Variants in NDUFAF6 observed in about 807,000 individuals in gnomAD.
The protein encoded by NDUFAF6 is NADH:ubiquinone oxidoreductase complex assembly factor 6.
A neutral mutation model predicts 40.8 loss-of-function variants in NDUFAF6; 45 were observed. The observed-to-expected ratio is 1.10, with a 90% CI of 0.87 to 1.42. The LOEUF (loss-of-function observed/expected upper bound fraction) is 1.42. Ranked by LOEUF, NDUFAF6 falls within the 40% of genes most tolerant of loss-of-function variation. The pLI is 0.00. For synonymous variants in NDUFAF6, 185 were observed against 155.9 expected, an observed-to-expected ratio of 1.19 and a Z score of -1.39; for missense variants, 435 against 418.5, an observed-to-expected ratio of 1.04 and a Z score of -0.34.
downstream of NDUFAF6, among the ~76,000 whole-genome samples, chr8:95,078,002 G>A (rs143621420): frequency 2.9e-3 from 440 of 152,170 alleles, 5 homozygotes; most frequent in African/African-American, 9.8e-3. Context: ...GCTGAGAGCC[G>A]CGGAAGGAAG....
intron 2 of NDUFAF6, among the ~76,000 whole-genome samples, chr8:95,092,481 C>A (rs1809287990): frequency 1.3e-5 from 2 of 151,986 alleles, no homozygotes; most frequent in Non-Finnish European, 1.5e-5. Context: ...CTCACCTGGC[C>A]CCCTATGACA....
intron 1 of NDUFAF6, among the ~76,000 whole-genome samples, chr8:94,959,583 T>G (rs1586810226): frequency 6.6e-6 from 1 of 151,154 alleles, no homozygotes; most frequent in Non-Finnish European, 1.5e-5. Flanking sequence ...TAGGCTGGAG[T>G]GCAGTGGCAC....
chr8:95,106,714 A>C (rs536026592), downstream of NDUFAF6, among the ~76,000 whole-genome samples: 1 of 152,298 alleles, frequency 6.6e-6, no homozygotes, highest in East Asian at 1.9e-4. Flanking sequence ...AATGGGAGAA[A>C]ATTTTTGCAA....
chr8:94,968,978 G>A (rs1824239707), intron 1 of NDUFAF6, among the ~76,000 whole-genome samples: 7 of 152,180 alleles, frequency 4.6e-5, no homozygotes, highest in Admixed American at 4.6e-4. Flanking sequence ...TGCTCAGGTG[G>A]GGAGGATGAA....
chr8:95,023,401 T>A (rs1827779562), upstream of NDUFAF6: 1 of 152,122 alleles, frequency 6.6e-6, no homozygotes, highest in African/African-American at 2.4e-5. Flanking sequence ...TTACCTTGGG[T>A]TTAAACAAAA....
In NDUFAF6 at chr8:95,052,175, C is replaced by T; in HGVS notation, c.818C>T (p.Ala273Val). Residue 273 changes from alanine (A) to valine (V), a missense_variant and splice_region_variant, in exon 8 of 9, where the codon GCT (alanine) becomes GTT (valine). Ala to Val is a moderately conservative substitution (Grantham distance 64, BLOSUM62 0). Coordinates refer to ENST00000396124, the MANE Select transcript of NDUFAF6 (RefSeq NM_152416.4). ...GCTTCCTCTCCTCTTCCTTTTTAGG[C>T]TAGGTCCTTTCACAAAACTGTTCCT... ...ASQAHLHLKH[A>V]RSFHKTVPVK... is the part of the protein sequence containing the mutation. 6.2e-7 allele frequency: 1 copy of T among 1,614,068 alleles called. No individual in the cohort carries two copies.
downstream of NDUFAF6, among the ~76,000 whole-genome samples, chr8:95,118,383 T>G (rs1474187968): frequency 6.6e-6 from 1 of 152,182 alleles, no homozygotes; most frequent in Non-Finnish European, 1.5e-5. Context: ...GTTGGTGCAA[T>G]GAGTAGCATA....
chr8:94,903,178 T>G (rs1459204697), intron 1 of NDUFAF6, among the ~76,000 whole-genome samples: 2 of 152,098 alleles, frequency 1.3e-5, no homozygotes, highest in African/African-American at 4.8e-5. Flanking sequence ...GAGACCACCC[T>G]GGGCAACCCT....
At chr8:95,006,377 G>T (rs1411503010) in intron 2 of NDUFAF6, among the ~76,000 whole-genome samples, 1 of 120,048 alleles carries the variant, frequency 8.3e-6, no homozygotes. Flanking sequence ...AAAAAAAAAA[G>T]AAAGAAAAGA....
chr8:95,102,409 TCTC>T (rs1223751136), intron 2 of NDUFAF6, among the ~76,000 whole-genome samples: 1 of 152,160 alleles, frequency 6.6e-6, no homozygotes, highest in Non-Finnish European at 1.5e-5. Flanking sequence ...GAGTACTACT[TCTC>T]CTAGGGCTGA....
At chr8:95,069,275 T>C (rs756338715) in intron 9 of NDUFAF6, 1 of 151,938 alleles carries the variant, frequency 6.6e-6, no homozygotes, top group Admixed American at 6.5e-5. Context: ...ACAACAGTTA[T>C]GGAGCACATA....
chr8:95,025,302 C>A, intron 1 of NDUFAF6, 97 bp downstream of exon 1: 3 of 1,207,160 alleles, frequency 2.5e-6, no homozygotes, highest in Non-Finnish European at 3.2e-6. Context: ...AGCGAGCGGA[C>A]CGGCGCCTTC....
At position 95,047,022 on chromosome 8, in the gene NDUFAF6, T is replaced by A. The variant is rs1234799914; in HGVS notation, c.609T>A (p.Ala203=). ...LGIKDLHADH[A]ASHIGKAQGI... is the part of the protein sequence containing the mutation. Reference sequence around the variant, plus strand: ...TAAAGGATCTTCATGCAGATCATGCTGCAAGTCATATTGGAAAAGCACAAG... The same window carrying A: ...TAAAGGATCTTCATGCAGATCATGCAGCAAGTCATATTGGAAAAGCACAAG... The change falls in exon 6 of 9, where the codon GCT becomes GCA. Residue 203 remains alanine (A), a synonymous_variant. Transcript: ENST00000396124. The A allele has an allele frequency of 6.2e-7, 1 of 1,614,076 alleles. No individual in the cohort carries two copies. Among genetic ancestry groups the A allele is most frequent in the East Asian group, 2.2e-5 (1 of 44,882 alleles).
At chr8:94,922,169 G>A (rs1045726982) in intron 1 of NDUFAF6, among the ~76,000 whole-genome samples, 4 of 151,654 alleles carry the variant, frequency 2.6e-5, no homozygotes, top group African/African-American at 4.8e-5. Flanking sequence ...CACCACGCCC[G>A]GCTAATTTTT....
chr8:95,082,968 A>G (rs1808927294), intron 2 of NDUFAF6, among the ~76,000 whole-genome samples: 2 of 151,812 alleles, frequency 1.3e-5, no homozygotes, highest in South Asian at 2.1e-4. Flanking sequence ...TTTTGTAGAG[A>G]CAGAGTCTGT....
chr8:95,062,074 T>G (rs967640799), downstream of NDUFAF6, among the ~76,000 whole-genome samples: 3 of 151,876 alleles, frequency 2.0e-5, no homozygotes, highest in African/African-American at 7.3e-5. Context: ...GGAGGATTGT[T>G]TGAGCACAGG....
intron 2 of NDUFAF6, chr8:94,949,491 T>G (rs1249788479): frequency 4.6e-5 from 7 of 151,560 alleles, no homozygotes; most frequent in African/African-American, 1.7e-4. Context: ...CTGCGAGAGG[T>G]TGTCACCAAC....
At chr8:95,051,817 A>G (rs1348871992) in intron 7 of NDUFAF6, among the ~76,000 whole-genome samples, 1 of 152,194 alleles carries the variant, frequency 6.6e-6, no homozygotes, top group Non-Finnish European at 1.5e-5. Flanking sequence ...GGTCTTACTC[A>G]TTTAAACAGG....
intron 2 of NDUFAF6, among the ~76,000 whole-genome samples, chr8:95,035,114 C>T (rs1829337151): frequency 2.6e-5 from 4 of 152,106 alleles, no homozygotes; most frequent in Admixed American, 1.3e-4. Context: ...CTCCTGACCT[C>T]AGGTGATCCA....
Sources: gnomAD v4.1 joint callset for allele counts (sites outside exome capture counted in the v4.1 genomes callset) on GRCh38, gnomAD v4.1.1 for gene constraint, MANE v1.5 for transcripts, NCBI Gene and HGNC (gene_info 2026-07-23, HGNC 2026-07-21) for gene names.